FHOD3: variants seen among roughly 807,000 people sequenced by gnomAD.
FHOD3 encodes FH1/FH2 domain-containing protein 3.
FHOD3 carries 90 observed loss-of-function variants against 173.0 expected under a neutral mutation model. The ratio of observed to expected loss-of-function variants is 0.52; its 90% CI spans 0.44 to 0.62. The LOEUF (loss-of-function observed/expected upper bound fraction) is 0.62, where lower values mean the gene tolerates loss of function less well. Ranked by LOEUF, FHOD3 falls within the 20% of genes least tolerant of loss-of-function variation. The probability of loss-of-function intolerance (pLI) is 0.00; values close to 1 mark genes in which losing one functional copy is unlikely to be tolerated. For synonymous variants in FHOD3, 828 were observed against 823.0 expected (o/e 1.01, Z -0.10); for missense variants, 1,945 against 2,034.7 (o/e 0.96, Z 0.85).
chr18:36,748,417 ACG>A (rs1491215201), intron 24 of FHOD3, among the ~76,000 whole-genome samples: 9 of 150,344 alleles, frequency 6.0e-5, no homozygotes, highest in African/African-American at 2.2e-4. Flanking sequence ...ACACACACAC[ACG>A]GAGAGAGAAC....
At chr18:36,557,622 AAT>A (rs1266729459) in intron 5 of FHOD3, among the ~76,000 whole-genome samples, 1 of 152,196 alleles carries the variant, frequency 6.6e-6, no homozygotes, top group Non-Finnish European at 1.5e-5. Flanking sequence ...CTAGTTTCAT[AAT>A]TTCCTACTTC....
At chr18:36,399,955 T>C (rs1265087040) in intron 3 of FHOD3, among the ~76,000 whole-genome samples, 1 of 152,196 alleles carries the variant, frequency 6.6e-6, no homozygotes, top group Non-Finnish European at 1.5e-5. Flanking sequence ...TTCTGAATCA[T>C]AGAGTTCCTT....
At chr18:36,510,486 A>G (rs535495461) in intron 4 of FHOD3, among the ~76,000 whole-genome samples, 1 of 152,258 alleles carries the variant, frequency 6.6e-6, no homozygotes, top group East Asian at 1.9e-4. Flanking sequence ...GTTTTTTCCA[A>G]GTGCCTTTGC....
At chr18:36,668,362 T>C (rs1457746518) in intron 14 of FHOD3, among the ~76,000 whole-genome samples, 1 of 152,010 alleles carries the variant, frequency 6.6e-6, no homozygotes, top group Non-Finnish European at 1.5e-5. Flanking sequence ...AAATCTGCAG[T>C]GATCGTATTT....
At chr18:36,678,154 C>T (rs2037983251) in intron 14 of FHOD3, among the ~76,000 whole-genome samples, 1 of 152,024 alleles carries the variant, frequency 6.6e-6, no homozygotes, top group South Asian at 2.1e-4. Flanking sequence ...AGTATTCTGG[C>T]TTGGACCACC....
At chr18:36,531,084 C>G (rs565538831) in intron 5 of FHOD3, among the ~76,000 whole-genome samples, 84 of 152,278 alleles carry the variant, frequency 5.5e-4, no homozygotes, top group African/African-American at 2.0e-3. Flanking sequence ...TAGAGGCCTC[C>G]TACTCTAACC....
At chr18:36,407,096 G>A (rs1463935996) in intron 3 of FHOD3, among the ~76,000 whole-genome samples, 1 of 152,170 alleles carries the variant, frequency 6.6e-6, no homozygotes, top group African/African-American at 2.4e-5. Context: ...TGCTTTCCCT[G>A]TCAGTCTTTG....
chr18:36,625,647 A>G lies in FHOD3; in HGVS notation c.1094A>G (p.His365Arg), dbSNP rs754472369. 15 of 1,609,518 alleles carry G rather than the reference A, an allele frequency of 9.3e-6. No individual in the cohort carries two copies. The highest frequency in any genetic ancestry group is 1.3e-5 in the Non-Finnish European group (15 of 1,177,444). ...RGLDRRRSRRHSVQSIKSTLS... is the reference protein window; with the variant it reads ...RGLDRRRSRRRSVQSIKSTLS... ...CTGGACCGCAGAAGGAGCCGCAGGCACTCGGTGCAGAGCATCAAGAGCACC... is the reference window on the plus strand; with the variant it reads ...CTGGACCGCAGAAGGAGCCGCAGGCGCTCGGTGCAGAGCATCAAGAGCACC... Residue 365 changes from histidine (H) to arginine (R), a missense_variant, in exon 10 of 29, where the codon CAC becomes CGC. Physicochemically the swap from His to Arg is conservative, Grantham distance 29. This residue lies in a region of FHOD3 where 1,099 missense variants were observed against 1,051.2 expected (regional missense o/e 1.05). Transcript: ENST00000590592.
intron 19 of FHOD3, among the ~76,000 whole-genome samples, chr18:36,730,384 T>A (rs369039088): frequency 1.2e-4 from 18 of 152,294 alleles, no homozygotes; most frequent in East Asian, 5.8e-4. Flanking sequence ...TTGCAAAATA[T>A]CACATTTTCC....
chr18:36,753,733 C>G (rs1451243428), intron 24 of FHOD3, among the ~76,000 whole-genome samples: 2 of 152,210 alleles, frequency 1.3e-5, no homozygotes, highest in Non-Finnish European at 2.9e-5. Context: ...TAGCCTGTCT[C>G]TTTTATTACA....
In FHOD3 at chr18:36,424,853, G is replaced by A. The variant is rs555121128; in HGVS notation, c.337+52109G>A. ...AGCTGAAATCATCCCTTTGTTCAGC[G>A]TTTCTGTGCAGCATACACTACCTGG... On this transcript the variant is annotated intron_variant, in intron 3 of 28. Transcript: ENST00000590592. 6.6e-5 allele frequency among the ~76,000 whole-genome samples: 10 copies of A among 152,232 alleles called. No individual in the cohort carries two copies. The South Asian group carries it at 1.9e-3, about 28-fold the overall frequency.
Position 36,501,838 on chromosome 18 carries a change from C to T in FHOD3, c.338-94C>T, listed in dbSNP as rs1033124681. On this transcript the variant is annotated intron_variant, in intron 3 of 28. Transcript: ENST00000590592. ...AATGAATAGGCTTTCATTACCTTTC[C>T]AGGGATAGTTTTGTTATCATTCATA... The T allele has an allele frequency of 8.1e-6, 7 of 859,534 alleles. No homozygotes were observed. In the African/African-American group the frequency reaches 1.0e-4, roughly 13 times the overall value. 53.2% of individuals were successfully genotyped at this position (859,534 alleles called of 1,614,324 possible). A position where few individuals can be genotyped will look rare whatever the true frequency, so the allele number is the denominator to read the frequency against.
Position 36,503,299 on chromosome 18 carries a change from G to T in FHOD3, c.405+1300G>T, listed in dbSNP as rs1361672538. On this transcript the variant is annotated intron_variant, in intron 4 of 28. Transcript: ENST00000590592. ...TTATTTTTCTTCTGTTAGGATTTTTGATTCTAGTTTACATTCTACTTCTTT... is the reference window on the plus strand; with the variant it reads ...TTATTTTTCTTCTGTTAGGATTTTTTATTCTAGTTTACATTCTACTTCTTT... Among the ~76,000 whole-genome samples, 5 of 152,140 alleles carry T rather than the reference G, an allele frequency of 3.3e-5. 1 individual carries two copies. Among genetic ancestry groups the T allele is most frequent in the East Asian group, 1.9e-4 (1 of 5,196 alleles).
At chr18:36,573,271 T>C (rs775848078) in intron 5 of FHOD3, among the ~76,000 whole-genome samples, 1 of 151,998 alleles carries the variant, frequency 6.6e-6, no homozygotes, top group Non-Finnish European at 1.5e-5. Context: ...CAATGGTTAA[T>C]ATTTTATGGA....
intron 27 of FHOD3, among the ~76,000 whole-genome samples, chr18:36,761,591 C>G (rs1039223104): frequency 5.9e-5 from 9 of 152,160 alleles, no homozygotes; most frequent in African/African-American, 2.2e-4. Flanking sequence ...AGTCCCCGCT[C>G]TTCTCATGCT....
chr18:36,771,631 C>A (rs996860298), intron 28 of FHOD3, among the ~76,000 whole-genome samples: 16 of 152,190 alleles, frequency 1.1e-4, no homozygotes, highest in African/African-American at 3.6e-4. Context: ...TTAGTTCATT[C>A]AAGGAGGCCA....
intron 11 of FHOD3, among the ~76,000 whole-genome samples, chr18:36,651,467 A>G (rs1279649937): frequency 1.3e-5 from 2 of 152,068 alleles, no homozygotes; most frequent in Admixed American, 6.6e-5. Flanking sequence ...AAAATTATAT[A>G]TAATGCCAGG....
At chr18:36,490,042 C>T (rs1009186127) in intron 3 of FHOD3, among the ~76,000 whole-genome samples, 7 of 152,212 alleles carry the variant, frequency 4.6e-5, no homozygotes, top group Non-Finnish European at 1.0e-4. Flanking sequence ...CCTAGGTCAG[C>T]AGCCTTTTTA....
intron 20 of FHOD3, among the ~76,000 whole-genome samples, chr18:36,737,329 A>T (rs2041686065): frequency 6.6e-6 from 1 of 152,260 alleles, no homozygotes; most frequent in African/African-American, 2.4e-5. Context: ...TCATGCCAGA[A>T]ACAATGGCAG....
Sources: allele counts gnomAD v4.1 joint callset (sites outside exome capture counted in the v4.1 genomes callset), GRCh38; gene constraint gnomAD v4.1.1; regional missense constraint gnomAD v4.1.1; transcripts MANE v1.5; gene names NCBI Gene and HGNC (gene_info 2026-07-23, HGNC 2026-07-21).